The following NUP98 variants were observed in gnomAD, a reference collection of about 807,000 sequenced individuals.
NUP98 encodes the protein nucleoporin 98 and 96 precursor.
Under a neutral mutation model 191.9 loss-of-function variants are expected in NUP98, and 26 were observed. That is an observed-to-expected ratio of 0.14 (90% CI 0.10 to 0.19). NUP98 has a LOEUF of 0.19. Among genes scored for constraint, NUP98 ranks in the 10% least tolerant of loss-of-function variants. The pLI is 1.00. For synonymous variants in NUP98, 808 were observed against 778.4 expected, an observed-to-expected ratio of 1.04 and a Z score of -0.63; for missense variants, 1,941 against 2,178.8, an observed-to-expected ratio of 0.89 and a Z score of 2.17.
chr11:3,788,116 T>C (rs761887741), intron 1 of NUP98, among the ~76,000 whole-genome samples: 2 of 152,242 alleles, frequency 1.3e-5, no homozygotes, highest in African/African-American at 4.8e-5. Context: ...GTGTTTTACC[T>C]GTCTGCTGCT....
Position 3,740,871 on chromosome 11 carries a change from T to C in NUP98, c.1408+3638A>G, listed in dbSNP as rs956764206. On this transcript the variant is annotated intron_variant, in intron 12 of 32. Coordinates refer to ENST00000324932, the MANE Select transcript of NUP98 (RefSeq NM_016320.5). Reference sequence around the variant, plus strand: ...TCTCGCACTTTCGCCCAGGCTGGAGTGTAGCGGCGTGACGTCGGCTCGGTG... The same window carrying C: ...TCTCGCACTTTCGCCCAGGCTGGAGCGTAGCGGCGTGACGTCGGCTCGGTG... Among the ~76,000 whole-genome samples, 15 of 150,950 alleles carry C rather than the reference T, an allele frequency of 9.9e-5. No homozygotes were observed. In the South Asian group the frequency reaches 1.5e-3, roughly 15 times the overall value.
chr11:3,689,746 T>C (rs1372361866), intron 28 of NUP98, among the ~76,000 whole-genome samples: 1 of 151,820 alleles, frequency 6.6e-6, no homozygotes, highest in Non-Finnish European at 1.5e-5. Context: ...GCTCAGGTGA[T>C]CCTCCACCCT....
At chr11:3,775,338 T>A (rs1564914889) in intron 5 of NUP98, among the ~76,000 whole-genome samples, 2 of 152,134 alleles carry the variant, frequency 1.3e-5, no homozygotes, top group Non-Finnish European at 2.9e-5. Context: ...GAGACCAGCC[T>A]GGCCACCATG....
intron 29 of NUP98, 121 bp downstream of exon 29, chr11:3,685,852 C>A: frequency 4.0e-6 from 3 of 744,094 alleles, no homozygotes; most frequent in Non-Finnish European, 4.6e-6. Context: ...TTTATCACAA[C>A]GCTGGATCTA....
chr11:3,739,134 AAG>A (rs2080184060), intron 12 of NUP98, among the ~76,000 whole-genome samples: 1 of 152,254 alleles, frequency 6.6e-6, no homozygotes, highest in African/African-American at 2.4e-5. Context: ...ACTTTGGAAA[AAG>A]AGATGGATTA....
chr11:3,678,697 A>C (rs2077892011), intron 31 of NUP98, among the ~76,000 whole-genome samples: 1 of 152,138 alleles, frequency 6.6e-6, no homozygotes. Flanking sequence ...GTGGAATAAG[A>C]GTGGTAGGAG....
chr11:3,768,839 T>C (rs2081425327), intron 7 of NUP98, 95 bp from the exon 8 acceptor site: 2 of 987,966 alleles, frequency 2.0e-6, no homozygotes, highest in African/African-American at 1.6e-5. Flanking sequence ...GTTGTTGTAA[T>C]AGTCTTTATG....
chr11:3,733,073 C>T (rs1044224863), intron 13 of NUP98, among the ~76,000 whole-genome samples: 4 of 152,164 alleles, frequency 2.6e-5, no homozygotes, highest in Admixed American at 6.5e-5. Flanking sequence ...TAGAATTCAC[C>T]GTTTTAACGC....
intron 7 of NUP98, 104 bp from the exon 8 acceptor site, chr11:3,768,848 T>C (rs537967873): frequency 5.9e-4 from 475 of 804,312 alleles, no homozygotes; most frequent in African/African-American, 7.4e-4. Flanking sequence ...ATAGTCTTTA[T>C]GTTATCTACT....
In NUP98 at chr11:3,694,564, C is replaced by A. The variant is rs555648308; in HGVS notation, c.4167+885G>T. ...GACCATCCTGGCTAACATGGTGAAA[C>A]CCTGTCTCTACTTAAAATACAAAAA... On this transcript the variant is annotated intron_variant, in intron 26 of 32. Transcript: ENST00000324932. Among the ~76,000 whole-genome samples the A allele has an allele frequency of 4.0e-5, 6 of 151,248 alleles. No homozygotes were observed. In the East Asian group the frequency reaches 7.9e-4, roughly 20 times the overall value.
At chr11:3,754,000 G>A (rs889937287) in intron 10 of NUP98, among the ~76,000 whole-genome samples, 2 of 151,832 alleles carry the variant, frequency 1.3e-5, no homozygotes, top group Admixed American at 6.6e-5. Context: ...TTCAATATAG[G>A]ATAATATCAA....
intron 24 of NUP98, 53 bp downstream of exon 24, chr11:3,700,557 C>T (rs964398987): frequency 2.8e-5 from 36 of 1,275,372 alleles, no homozygotes; most frequent in Non-Finnish European, 3.4e-5. Context: ...TGAACATACG[C>T]TACCACCACT....
Position 3,784,189 on chromosome 11 carries a change from C to G in NUP98, c.-28-2044G>C, listed in dbSNP as rs992060257. 2.0e-5 allele frequency among the ~76,000 whole-genome samples: 3 copies of G among 152,200 alleles called. No individual in the cohort carries two copies. In the South Asian group the frequency reaches 6.2e-4, roughly 31 times the overall value. On this transcript the variant is annotated intron_variant, in intron 1 of 32. Coordinates refer to ENST00000324932, the MANE Select transcript of NUP98 (RefSeq NM_016320.5). Reference sequence around the variant, plus strand: ...AGAATTAAATATTGCATTTTGAGGTCTTCCCCAAATTCTAGTATCCCACTA... The same window carrying G: ...AGAATTAAATATTGCATTTTGAGGTGTTCCCCAAATTCTAGTATCCCACTA...
At chr11:3,793,095 A>G (rs1353240004) in intron 1 of NUP98, among the ~76,000 whole-genome samples, 1 of 152,180 alleles carries the variant, frequency 6.6e-6, no homozygotes, top group Admixed American at 6.5e-5. Flanking sequence ...TGGGCGACAG[A>G]GCACGACTCC....
intron 1 of NUP98, among the ~76,000 whole-genome samples, chr11:3,794,962 A>G (rs2134002666): frequency 6.6e-6 from 1 of 152,354 alleles, no homozygotes; most frequent in Admixed American, 6.5e-5. Context: ...ACCTTTCAAC[A>G]AATTACATAA....
At chr11:3,731,360 A>C in intron 14 of NUP98, 31 bp downstream of exon 14, 1 of 1,429,328 alleles carries the variant, frequency 7.0e-7, no homozygotes, top group Non-Finnish European at 9.4e-7. Context: ...AGTATTTTAC[A>C]CTTAATTTCT....
At chr11:3,736,331 G>T (rs950410521) in intron 12 of NUP98, among the ~76,000 whole-genome samples, 1 of 152,148 alleles carries the variant, frequency 6.6e-6, no homozygotes, top group Non-Finnish European at 1.5e-5. Context: ...ATACAGTCAA[G>T]ATATGGAAAC....
At chr11:3,702,341 T>G in intron 23 of NUP98, 122 bp downstream of exon 23, 1 of 564,776 alleles carries the variant, frequency 1.8e-6, no homozygotes, top group South Asian at 2.2e-5. Context: ...TCTCTCTCTC[T>G]CTCTCTCTCT....
chr11:3,736,290 T>A (rs2134315482), intron 12 of NUP98, among the ~76,000 whole-genome samples: 1 of 152,190 alleles, frequency 6.6e-6, no homozygotes, highest in East Asian at 1.9e-4. Flanking sequence ...AGAAAGAAAA[T>A]AAATTCCTAA....
Sources: gnomAD v4.1 joint callset for allele counts (sites outside exome capture counted in the v4.1 genomes callset) on GRCh38, gnomAD v4.1.1 for gene constraint, MANE v1.5 for transcripts, NCBI Gene and HGNC (gene_info 2026-07-23, HGNC 2026-07-21) for gene names.